Variants in SMIM35 observed in about 807,000 individuals in gnomAD.
SMIM35 encodes small integral membrane protein 35.
intron 1 of SMIM35, among the ~76,000 whole-genome samples, chr11:118,020,962 TG>T (rs1300863274): frequency 6.6e-6 from 1 of 152,190 alleles, no homozygotes; most frequent in African/African-American, 2.4e-5. Context: ...CTGATCTAAA[TG>T]TTTTTTAATT....
intron 1 of SMIM35, among the ~76,000 whole-genome samples, chr11:118,028,235 T>C (rs1011379124): frequency 6.6e-6 from 1 of 152,194 alleles, no homozygotes; most frequent in Non-Finnish European, 1.5e-5. Flanking sequence ...CACACAGGCA[T>C]GCTCATTATG....
At chr11:118,073,173 A>G (rs548934032) in intron 1 of SMIM35, among the ~76,000 whole-genome samples, 35 of 152,324 alleles carry the variant, frequency 2.3e-4, no homozygotes, top group African/African-American at 8.4e-4. Context: ...CCTGACCTCA[A>G]GTGATCCACC....
intron 1 of SMIM35, chr11:118,077,046 G>C (rs967495395): frequency 2.1e-6 from 1 of 480,624 alleles, no homozygotes; most frequent in African/African-American, 2.0e-5. Flanking sequence ...TTGTAGGGCT[G>C]TTTTAATCAA....
intron 1 of SMIM35, among the ~76,000 whole-genome samples, chr11:118,018,640 C>T (rs1483377819): frequency 6.6e-6 from 1 of 152,002 alleles, no homozygotes; most frequent in East Asian, 1.9e-4. Context: ...AAAGTCTGTC[C>T]AAAAGTAGGA....
chr11:118,038,274 C>A (rs991156811), intron 1 of SMIM35, among the ~76,000 whole-genome samples: 6 of 152,196 alleles, frequency 3.9e-5, no homozygotes, highest in African/African-American at 4.8e-5. Context: ...AACTATAAGA[C>A]ACATTTTCTT....
In SMIM35 at chr11:118,040,621, G is replaced by C. The variant is rs376323390; in HGVS notation, c.8-24812C>G. 5.0e-3 allele frequency among the ~76,000 whole-genome samples: 755 copies of C among 152,086 alleles called. 5 individuals are homozygous for C. The highest frequency in any genetic ancestry group is 0.017 in the African/African-American group (724 of 41,500). On this transcript the variant is annotated intron_variant, in intron 1 of 4. Coordinates refer to ENST00000689828, the MANE Select transcript of SMIM35 (RefSeq NM_001394165.1). Reference sequence around the variant, plus strand: ...GACATCCATCAGGCTAAAAGCAAATGATCTCATGCTAATTTGAATACGTAC... The same window carrying C: ...GACATCCATCAGGCTAAAAGCAAATCATCTCATGCTAATTTGAATACGTAC...
At chr11:118,031,641 A>G (rs1289580181) in intron 1 of SMIM35, among the ~76,000 whole-genome samples, 3 of 152,164 alleles carry the variant, frequency 2.0e-5, no homozygotes, top group Non-Finnish European at 4.4e-5. Context: ...TAATTAATTA[A>G]TTAATTAAAA....
Position 118,048,590 on chromosome 11 carries a change from G to GAAGC in SMIM35, c.8-32782_8-32781insGCTT, listed in dbSNP as rs1320473183. 6.8e-3 allele frequency among the ~76,000 whole-genome samples: 709 copies of GAAGC among 103,518 alleles called. 5 individuals carry two copies. The highest frequency in any genetic ancestry group is 0.022 in the African/African-American group (643 of 28,926). The allele number at this position is 103,518 out of a possible 152,430, so 67.9% of individuals were successfully genotyped here. A position where few individuals can be genotyped will look rare whatever the true frequency, so the allele number is the denominator to read the frequency against. Reference sequence around the variant, plus strand: ...GGAAGGAAGGAAGGAAGGAAGGAAGGAAGGAAGCAAGGAAGCAAGGAAGCA... The same window carrying GAAGC: ...GGAAGGAAGGAAGGAAGGAAGGAAGGAAGCAAGGAAGCAAGGAAGCAAGGAAGCA... On this transcript the variant is annotated intron_variant, in intron 1 of 4. Coordinates refer to ENST00000689828, the MANE Select transcript of SMIM35 (RefSeq NM_001394165.1).
chr11:118,076,463 A>AAAAG lies in SMIM35; in HGVS notation c.7+10284_7+10287dup, dbSNP rs894929380. Among the ~76,000 whole-genome samples, 18 of 152,156 alleles carry AAAAG rather than the reference A, an allele frequency of 1.2e-4. No homozygotes were observed. In the East Asian group the frequency reaches 2.3e-3, roughly 20 times the overall value. ...CCCTGTCTTAAAAAAAGAAAAGAAA[A>AAAAG]AAAGAAAGAAAGAAAGAAGGAAATG... On this transcript the variant is annotated intron_variant, in intron 1 of 4. Coordinates refer to ENST00000689828, the MANE Select transcript of SMIM35 (RefSeq NM_001394165.1).
At chr11:118,045,047 C>T (rs923557967) in intron 1 of SMIM35, among the ~76,000 whole-genome samples, 1 of 152,060 alleles carries the variant, frequency 6.6e-6, no homozygotes, top group Non-Finnish European at 1.5e-5. Flanking sequence ...TAGTGGGAGG[C>T]CCTAGGCTTT....
intron 1 of SMIM35, chr11:118,025,712 T>C (rs2058269226): frequency 2.2e-6 from 1 of 453,808 alleles, no homozygotes; most frequent in African/African-American, 2.0e-5. Context: ...GGATGCATAG[T>C]TTGTGAATAT....
At chr11:118,007,395 T>C (rs1319800789) in intron 4 of SMIM35, among the ~76,000 whole-genome samples, 1 of 152,026 alleles carries the variant, frequency 6.6e-6, no homozygotes, top group East Asian at 1.9e-4. Context: ...GAATAGAAGA[T>C]GTAACTTCTT....
At chr11:118,027,440 G>A (rs10431083) in intron 1 of SMIM35, among the ~76,000 whole-genome samples, 14,533 of 152,004 alleles carry the variant, frequency 0.096, 967 homozygotes, top group East Asian at 0.36. Context: ...TAATCACCCA[G>A]TTCACAGAGC....
chr11:118,012,478 C>A (rs894083297), intron 4 of SMIM35, among the ~76,000 whole-genome samples: 1 of 152,204 alleles, frequency 6.6e-6, no homozygotes, highest in Admixed American at 6.5e-5. Flanking sequence ...CATTTCTGGC[C>A]CACTTTTGCC....
chr11:118,036,762 T>TC (rs2058362149), intron 1 of SMIM35, among the ~76,000 whole-genome samples: 1 of 151,766 alleles, frequency 6.6e-6, no homozygotes, highest in African/African-American at 2.4e-5. Flanking sequence ...TTGCCTCTGC[T>TC]CCTTTTTTTC....
chr11:118,057,987 G>A (rs1944341169), intron 1 of SMIM35, among the ~76,000 whole-genome samples: 1 of 152,208 alleles, frequency 6.6e-6, no homozygotes, highest in Admixed American at 6.5e-5. Flanking sequence ...GTTCATCCAA[G>A]CCTATAATTT....
chr11:118,037,419 A>AG (rs1430082462), intron 1 of SMIM35, among the ~76,000 whole-genome samples: 5 of 152,172 alleles, frequency 3.3e-5, no homozygotes, highest in Non-Finnish European at 7.4e-5. Context: ...AGAGGTCCTA[A>AG]GAAGGGGAGA....
intron 1 of SMIM35, among the ~76,000 whole-genome samples, chr11:118,070,433 T>A (rs1191540263): frequency 6.6e-6 from 1 of 152,186 alleles, no homozygotes; most frequent in Non-Finnish European, 1.5e-5. Context: ...TGCCTCGGCC[T>A]CCCAAAGTGC....
intron 1 of SMIM35, among the ~76,000 whole-genome samples, chr11:118,016,085 A>G (rs761526732): frequency 1.2e-4 from 18 of 152,306 alleles, no homozygotes; most frequent in Non-Finnish European, 2.2e-4. Context: ...AGCCACAGGC[A>G]TATTCTACCT....
Sources: gnomAD v4.1 joint callset for allele counts (sites outside exome capture counted in the v4.1 genomes callset) on GRCh38, gnomAD v4.1.1 for gene constraint, MANE v1.5 for transcripts, NCBI Gene and HGNC (gene_info 2026-07-23, HGNC 2026-07-21) for gene names.